The following ADCY2 variants were observed in gnomAD, a reference collection of about 807,000 sequenced individuals.
ADCY2 encodes the protein adenylate cyclase 2, also known as adenylate cyclase type 2.
A neutral mutation model predicts 125.2 loss-of-function variants in ADCY2; 31 were observed. That is an observed-to-expected ratio of 0.25 (90% CI 0.19 to 0.33). ADCY2 has a LOEUF of 0.33. ADCY2 is among the 10% of genes least tolerant of loss of function. The pLI is 1.00. For missense variants in ADCY2, 904 were observed against 1,418.2 expected (o/e 0.64, Z 5.82); for synonymous variants, 512 against 548.4 (o/e 0.93, Z 0.93).
chr5:7,523,327 A>AG lies in ADCY2; in HGVS notation c.570+2428_570+2429insG, dbSNP rs1180716132. ...TTTCCTGCATTGGTAAAAAAAAAAAAAAAAAGTGGGAAAGATGGAATCTTA... is the reference window on the plus strand; with the variant it reads ...TTTCCTGCATTGGTAAAAAAAAAAAAGAAAAAGTGGGAAAGATGGAATCTTA... On this transcript the variant is annotated intron_variant, in intron 3 of 24. Transcript: ENST00000338316. Among the ~76,000 whole-genome samples the AG allele has an allele frequency of 6.6e-5, 10 of 152,144 alleles. No homozygotes were observed. The East Asian group carries it at 1.9e-3, about 29-fold the overall frequency.
rs949670912 is a variant in ADCY2, at chr5:7,828,496, C to T, written c.*1625C>T. ...CCGTGGTACATTCACAGCACGGGCA[C>T]AGCTGCTGTGCCAGGACTGTGACTC... On this transcript the variant is annotated 3_prime_UTR_variant, in exon 25 of 25. Coordinates refer to ENST00000338316, the MANE Select transcript of ADCY2 (RefSeq NM_020546.3). 6.6e-6 allele frequency: 1 copy of T among 152,218 alleles called. No homozygotes were observed. Among genetic ancestry groups the T allele is most frequent in the Non-Finnish European group, 1.5e-5 (1 of 68,028 alleles). 9.4% of individuals were successfully genotyped at this position (152,218 alleles called of 1,614,324 possible). A position where few individuals can be genotyped will look rare whatever the true frequency, so the allele number is the denominator to read the frequency against.
At chr5:7,452,744 A>G (rs1741520675) in intron 2 of ADCY2, among the ~76,000 whole-genome samples, 2 of 152,206 alleles carry the variant, frequency 1.3e-5, no homozygotes, top group Admixed American at 6.5e-5. Flanking sequence ...CCTTTTCACC[A>G]CATCCATGCT....
intron 7 of ADCY2, among the ~76,000 whole-genome samples, chr5:7,699,082 T>C (rs58818704): frequency 1.6e-4 from 2 of 12,606 alleles, no homozygotes; most frequent in Non-Finnish European, 4.5e-4. Context: ...ACAGTAAGCA[T>C]TTTTTTTTTT....
At chr5:7,437,317 C>G (rs1740842543) in intron 2 of ADCY2, among the ~76,000 whole-genome samples, 1 of 152,162 alleles carries the variant, frequency 6.6e-6, no homozygotes, top group Non-Finnish European at 1.5e-5. Flanking sequence ...GTTCCAGCCT[C>G]CCCTCCCGAG....
intron 17 of ADCY2, among the ~76,000 whole-genome samples, chr5:7,767,784 A>G (rs1337145659): frequency 1.3e-5 from 2 of 152,022 alleles, no homozygotes; most frequent in Non-Finnish European, 2.9e-5. Context: ...TAATCTCAGC[A>G]CTTTGGGAGT....
intron 3 of ADCY2, among the ~76,000 whole-genome samples, chr5:7,542,036 A>G (rs978493484): frequency 6.6e-6 from 1 of 152,112 alleles, no homozygotes; most frequent in Non-Finnish European, 1.5e-5. Context: ...GACTCATGTG[A>G]TCATCCACAC....
At chr5:7,627,865 C>T (rs528371098) in intron 4 of ADCY2, among the ~76,000 whole-genome samples, 1 of 152,304 alleles carries the variant, frequency 6.6e-6, no homozygotes, top group South Asian at 2.1e-4. Context: ...ACTGTAAACA[C>T]TGCCTTTGCA....
intron 6 of ADCY2, among the ~76,000 whole-genome samples, chr5:7,696,822 A>G (rs149174687): frequency 6.6e-6 from 1 of 152,118 alleles, no homozygotes; most frequent in Non-Finnish European, 1.5e-5. Flanking sequence ...GACCATGACA[A>G]CTCTCACTGG....
chr5:7,559,222 G>A (rs1278031283), intron 3 of ADCY2, among the ~76,000 whole-genome samples: 1 of 152,154 alleles, frequency 6.6e-6, no homozygotes, highest in Non-Finnish European at 1.5e-5. Context: ...AATCTCAGTG[G>A]TAGTTTAACT....
chr5:7,414,638 A>G lies in ADCY2; in HGVS notation c.276A>G (p.Ile92Met), dbSNP rs778543807. ...CTGCCCTGGCGATTTTCTTTGCGAT[A>G]TTTATCCTGGTCTGCATCGAGTCTG... ...VPTALAIFFAIFILVCIESVF... is the reference protein window; with the variant it reads ...VPTALAIFFAMFILVCIESVF... The change falls in exon 2 of 25, where the codon ATA (isoleucine) becomes ATG (methionine). Residue 92 changes from isoleucine (I) to methionine (M), a missense_variant. Ile to Met is a conservative substitution (Grantham distance 10, BLOSUM62 1). This residue lies in a region of ADCY2 where 121 missense variants were observed against 161.5 expected (regional missense o/e 0.75). Coordinates refer to ENST00000338316, the MANE Select transcript of ADCY2 (RefSeq NM_020546.3). 3 of 1,613,620 alleles carry G rather than the reference A, an allele frequency of 1.9e-6. No homozygotes were observed. The highest frequency in any genetic ancestry group is 1.7e-6 in the Non-Finnish European group (2 of 1,179,890).
intron 3 of ADCY2, among the ~76,000 whole-genome samples, chr5:7,523,238 G>T (rs1435013883): frequency 6.7e-6 from 1 of 150,334 alleles, no homozygotes; most frequent in East Asian, 2.0e-4. Context: ...AGAACTTTAT[G>T]TATTGCAGGT....
At chr5:7,817,654 C>T (rs1270736439) in intron 23 of ADCY2, among the ~76,000 whole-genome samples, 1 of 151,930 alleles carries the variant, frequency 6.6e-6, no homozygotes, top group Non-Finnish European at 1.5e-5. Context: ...TGATGAGACC[C>T]CATCTCTACA....
intron 2 of ADCY2, among the ~76,000 whole-genome samples, chr5:7,438,797 C>T (rs6878468): frequency 0.058 from 8,891 of 152,178 alleles, 302 homozygotes; most frequent in Non-Finnish European, 0.071. Flanking sequence ...AGTGAACAGT[C>T]GGAGGTTCTG....
intron 2 of ADCY2, among the ~76,000 whole-genome samples, chr5:7,490,995 T>A (rs1360848601): frequency 6.6e-6 from 1 of 152,076 alleles, no homozygotes; most frequent in Non-Finnish European, 1.5e-5. Context: ...CATTAAAAAA[T>A]AACATGCTCC....
chr5:7,616,587 C>G (rs1737770281), intron 3 of ADCY2, among the ~76,000 whole-genome samples: 1 of 152,182 alleles, frequency 6.6e-6, no homozygotes, highest in African/African-American at 2.4e-5. Flanking sequence ...AATATCCCAT[C>G]TTGGTGCACA....
At chr5:7,757,424 TC>T (rs1355732074) in intron 15 of ADCY2, 24 bp from the exon 16 acceptor site, 1 of 1,608,492 alleles carries the variant, frequency 6.2e-7, no homozygotes, top group Non-Finnish European at 8.5e-7. Context: ...GCAATGCTTC[TC>T]TTTTTCTTTC....
intron 4 of ADCY2, among the ~76,000 whole-genome samples, chr5:7,643,749 A>G (rs1738792379): frequency 6.6e-6 from 1 of 151,674 alleles, no homozygotes; most frequent in Admixed American, 6.6e-5. Context: ...TGCCATATCT[A>G]GTGTCTCTCA....
intron 3 of ADCY2, among the ~76,000 whole-genome samples, chr5:7,530,703 C>T (rs1734611315): frequency 2.0e-5 from 3 of 152,106 alleles, no homozygotes; most frequent in South Asian, 2.1e-4. Flanking sequence ...TTCATTCATC[C>T]TCAGAATGAA....
chr5:7,560,450 A>G (rs1479978652), intron 3 of ADCY2, among the ~76,000 whole-genome samples: 2 of 152,226 alleles, frequency 1.3e-5, no homozygotes, highest in East Asian at 3.9e-4. Flanking sequence ...CAAATTTTCT[A>G]GTGCAAGGGA....
Sources: gnomAD v4.1 joint callset for allele counts (sites outside exome capture counted in the v4.1 genomes callset) on GRCh38, gnomAD v4.1.1 for gene constraint, gnomAD v4.1.1 regional missense constraint, MANE v1.5 for transcripts, NCBI Gene and HGNC (gene_info 2026-07-23, HGNC 2026-07-21) for gene names.